The following MLXIP variants were observed in gnomAD, a reference collection of about 807,000 sequenced individuals.
MLXIP encodes the protein MLX-interacting protein.
Under a neutral mutation model 87.2 loss-of-function variants are expected in MLXIP, and 30 were observed. The ratio of observed to expected loss-of-function variants is 0.34; its 90% CI spans 0.26 to 0.47. MLXIP has a LOEUF of 0.47. Among genes scored for constraint, MLXIP ranks in the 20% least tolerant of loss-of-function variants. The pLI, the probability that MLXIP is intolerant of heterozygous loss-of-function variation, is 1.00. For synonymous variants in MLXIP, 530 were observed against 514.0 expected, an observed-to-expected ratio of 1.03 and a Z score of -0.42; for missense variants, 1,002 against 1,240.1, an observed-to-expected ratio of 0.81 and a Z score of 2.88.
chr12:122,093,647 GGT>G (rs1343312349), intron 1 of MLXIP, among the ~76,000 whole-genome samples: 3 of 128,206 alleles, frequency 2.3e-5, no homozygotes, highest in Admixed American at 8.7e-5. Flanking sequence ...GTGGTGTGTT[GGT>G]GTGTGTGTTG....
chr12:122,085,994 G>A (rs1424107052), intron 1 of MLXIP, among the ~76,000 whole-genome samples: 2 of 152,166 alleles, frequency 1.3e-5, no homozygotes, highest in African/African-American at 4.8e-5. Context: ...AATCACAGGG[G>A]TCCTTAAAAT....
rs1212175463 is a variant in MLXIP at position 122,141,633 on chromosome 12, T to A, written c.2639-58T>A. ...CATGGGTTGTAGGTACAAAGCCGAG[T>A]GTGCGGTGTGTGGTGGGTCTGTGTC... is the stretch of plus-strand genomic sequence containing the variant. On this transcript the variant is annotated intron_variant, in intron 16 of 16. Transcript: ENST00000319080. 13 of 1,592,626 alleles carry A rather than the reference T, an allele frequency of 8.2e-6. 1 individual carries two copies. The South Asian group carries it at 1.3e-4, about 15-fold the overall frequency.
intron 1 of MLXIP, among the ~76,000 whole-genome samples, chr12:122,089,254 C>G (rs551307408): frequency 6.6e-6 from 1 of 152,218 alleles, no homozygotes; most frequent in Non-Finnish European, 1.5e-5. Context: ...GTAACCAGCC[C>G]GTTCACAATG....
In MLXIP at chr12:122,146,782, C is replaced by T. The variant is rs1953310426; in HGVS notation, c.*4970C>T. 1 of 152,222 alleles carries T rather than the reference C, an allele frequency of 6.6e-6. No homozygotes were observed. The highest frequency in any genetic ancestry group is 2.1e-4 in the South Asian group (1 of 4,834). The allele number at this position is 152,222 out of a possible 1,614,324, so 9.4% of individuals were successfully genotyped here. On this transcript the variant is annotated 3_prime_UTR_variant, in exon 17 of 17. Coordinates refer to ENST00000319080, the MANE Select transcript of MLXIP (RefSeq NM_014938.6). ...GGGTGTAGCTCATTTGAAGGACTCT[C>T]TTCTGCGTTTCCTAACAGTTATTTG...
rs1367292382 is a variant in MLXIP, at chr12:122,144,240, C to G, written c.*2428C>G. 1 of 152,440 alleles carries G rather than the reference C, an allele frequency of 6.6e-6. No individual in the cohort carries two copies. The highest frequency in any genetic ancestry group is 2.4e-5 in the African/African-American group (1 of 41,372). The allele number at this position is 152,440 out of a possible 1,614,324, so 9.4% of individuals were successfully genotyped here. A position where few individuals can be genotyped will look rare whatever the true frequency, so the allele number is the denominator to read the frequency against. The stretch of plus-strand genomic sequence containing the variant: ...CTCATTTTCACCCTGATTCTTGCCC[C>G]CACTTTCATAAAAGAAACTTCAAAA... On this transcript the variant is annotated 3_prime_UTR_variant, in exon 17 of 17. Coordinates refer to ENST00000319080, the MANE Select transcript of MLXIP (RefSeq NM_014938.6).
chr12:122,127,107 C>T (rs968565960), intron 1 of MLXIP, 149 bp from the exon 2 acceptor site: 4 of 702,410 alleles, frequency 5.7e-6, no homozygotes, highest in African/African-American at 1.7e-5. Flanking sequence ...TGAAGAAATC[C>T]CCCAGTGACC....
chr12:122,127,193 T>C, intron 1 of MLXIP, 63 bp from the exon 2 acceptor site: 4 of 1,331,408 alleles, frequency 3.0e-6, no homozygotes, highest in Non-Finnish European at 3.2e-6. Flanking sequence ...CGGGTGGCAC[T>C]TTGTAATTTC....
At chr12:122,098,790 G>A (rs986230573) in intron 1 of MLXIP, among the ~76,000 whole-genome samples, 9 of 152,294 alleles carry the variant, frequency 5.9e-5, no homozygotes, top group Non-Finnish European at 1.2e-4. Flanking sequence ...GCGTCGCTCC[G>A]GTGCTCTGAA....
intron 1 of MLXIP, among the ~76,000 whole-genome samples, chr12:122,111,870 G>GT (rs1402786547): frequency 6.6e-6 from 1 of 152,160 alleles, no homozygotes; most frequent in Non-Finnish European, 1.5e-5. Flanking sequence ...ATTTGGTATG[G>GT]TGATGGCCCA....
chr12:122,083,003 A>G (rs755868295), intron 1 of MLXIP, among the ~76,000 whole-genome samples: 11 of 152,000 alleles, frequency 7.2e-5, no homozygotes, highest in Non-Finnish European at 1.5e-4. Context: ...TATTTTTTGT[A>G]GATATGGGGT....
chr12:122,092,273 A>G (rs1952257260), intron 1 of MLXIP, among the ~76,000 whole-genome samples: 1 of 151,706 alleles, frequency 6.6e-6, no homozygotes, highest in African/African-American at 2.4e-5. Flanking sequence ...TAATTTTTGT[A>G]TTTTTTGTAG....
rs571539265 is a variant in MLXIP at position 122,121,233 on chromosome 12, C to T, written c.414-6023C>T. Among the ~76,000 whole-genome samples the T allele has an allele frequency of 4.9e-4, 74 of 149,618 alleles. 3 individuals carry two copies. In the South Asian group the frequency reaches 0.015, roughly 30 times the overall value. ...CCATGTTGGCCAGGATGGTCTTGAT[C>T]TCTTGACCTCATGATCTGCCTGCCT... On this transcript the variant is annotated intron_variant, in intron 1 of 16. Transcript: ENST00000319080.
Position 122,137,056 on chromosome 12 carries a change from T to A in MLXIP, c.2033-413T>A, listed in dbSNP as rs1213662747. On this transcript the variant is annotated intron_variant, in intron 11 of 16. Coordinates refer to ENST00000319080, the MANE Select transcript of MLXIP (RefSeq NM_014938.6). The surrounding 1 kb of genome is among the most constrained non-coding windows in gnomAD (Gnocchi z 4.1). Reference sequence around the variant, plus strand: ...CACTCACTCCTCTAATCCTAGCACTTTGGGAGGCAGAGGCAGGTGGATCGC... The same window carrying A: ...CACTCACTCCTCTAATCCTAGCACTATGGGAGGCAGAGGCAGGTGGATCGC... 1 of 152,482 alleles carries A rather than the reference T, an allele frequency of 6.6e-6. No individual in the cohort carries two copies. Among genetic ancestry groups the A allele is most frequent in the African/African-American group, 2.4e-5 (1 of 41,388 alleles). The allele number at this position is 152,482 out of a possible 1,614,324, so 9.4% of individuals were successfully genotyped here. A position where few individuals can be genotyped will look rare whatever the true frequency, so the allele number is the denominator to read the frequency against.
At chr12:122,128,851 G>T (rs1284045431) in intron 3 of MLXIP, 2 of 366,842 alleles carry the variant, frequency 5.5e-6, no homozygotes, top group Non-Finnish European at 1.0e-5. Context: ...TTCTTCCTCT[G>T]TGGAGCATTC....
chr12:122,094,501 TG>T (rs1952314717), intron 1 of MLXIP, among the ~76,000 whole-genome samples: 1 of 35,632 alleles, frequency 2.8e-5, no homozygotes, highest in African/African-American at 9.0e-5. Context: ...GCAATGTCTG[TG>T]TGTGTGGTGT....
At chr12:122,093,485 GGT>G (rs1189506530) in intron 1 of MLXIP, among the ~76,000 whole-genome samples, 2,588 of 144,424 alleles carry the variant, frequency 0.018, 74 homozygotes, top group African/African-American at 0.064. Context: ...TTTGGTGTGT[GGT>G]GTGTGTGTGC....
Position 122,133,392 on chromosome 12 carries a change from T to C in MLXIP, c.1137T>C (p.Pro379=), listed in dbSNP as rs1593111739. 3 of 1,598,432 alleles carry C rather than the reference T, an allele frequency of 1.9e-6. No individual in the cohort carries two copies. Among genetic ancestry groups the C allele is most frequent in the Non-Finnish European group, 2.6e-6 (3 of 1,169,818 alleles). ...PTTALPTVSL[P]DSLIAPPTAP... ...CAGCCCTCCCCACTGTGAGCCTTCC[T>C]GACAGCCTCATCGCGCCCCCTACCG... is the stretch of plus-strand genomic sequence containing the variant. The change falls in exon 9 of 17, where the codon CCT becomes CCC. Residue 379 remains proline, a synonymous_variant. Transcript: ENST00000319080. The surrounding 1 kb of genome is among the most constrained non-coding windows in gnomAD (Gnocchi z 4.9).
rs1170288527 is a variant in MLXIP at position 122,132,254 on chromosome 12, C to T, written c.1001-38C>T. The T allele has an allele frequency of 6.7e-6, 10 of 1,493,524 alleles. No homozygotes were observed. In the South Asian group the frequency reaches 8.3e-5, roughly 12 times the overall value. The allele number at this position is 1,493,524 out of a possible 1,614,324, so 92.5% of individuals were successfully genotyped here. ...AGTCTTGATTCCAGCAAATGCTGGGCACACTGAGCTCAGAAGACCCCTGCT... is the reference window on the plus strand; with the variant it reads ...AGTCTTGATTCCAGCAAATGCTGGGTACACTGAGCTCAGAAGACCCCTGCT... On this transcript the variant is annotated intron_variant, in intron 7 of 16. Coordinates refer to ENST00000319080, the MANE Select transcript of MLXIP (RefSeq NM_014938.6).
At chr12:122,141,663 C>T in intron 16 of MLXIP, 28 bp from the exon 17 acceptor site, 1 of 1,610,816 alleles carries the variant, frequency 6.2e-7, no homozygotes, top group African/African-American at 1.3e-5. Flanking sequence ...TGTGTCACTG[C>T]CTGTGTCTGA....
Sources: allele counts gnomAD v4.1 joint callset (sites outside exome capture counted in the v4.1 genomes callset), GRCh38; gene constraint gnomAD v4.1.1; non-coding constraint Gnocchi (gnomAD v3.1); transcripts MANE v1.5; gene names NCBI Gene and HGNC (gene_info 2026-07-23, HGNC 2026-07-21).